Variants in TNRC6A observed in about 807,000 individuals in gnomAD.
TNRC6A encodes trinucleotide repeat-containing gene 6A protein.
Under a neutral mutation model 221.2 loss-of-function variants are expected in TNRC6A, and 44 were observed. The observed-to-expected ratio is 0.20, with a 90% CI of 0.16 to 0.26. TNRC6A has a LOEUF of 0.26. Among genes scored for constraint, TNRC6A ranks in the 10% least tolerant of loss-of-function variants. The pLI is 1.00. For synonymous variants in TNRC6A, 847 were observed against 838.5 expected (o/e 1.01, Z -0.18); for missense variants, 2,199 against 2,404.4 (o/e 0.91, Z 1.79).
chr16:24,694,788 C>T (rs1439139253), intron 2 of TNRC6A, among the ~76,000 whole-genome samples: 1 of 151,814 alleles, frequency 6.6e-6, no homozygotes, highest in African/African-American at 2.4e-5. Context: ...TAAAAATTAG[C>T]TGGGTGTGGT....
intron 9 of TNRC6A, chr16:24,796,150 T>G: frequency 2.1e-6 from 1 of 481,362 alleles, no homozygotes. Flanking sequence ...AGCTTGAATT[T>G]GGAAGATGCT....
At chr16:24,700,974 G>A (rs1157999738) in intron 2 of TNRC6A, among the ~76,000 whole-genome samples, 1 of 152,198 alleles carries the variant, frequency 6.6e-6, no homozygotes, top group Non-Finnish European at 1.5e-5. Flanking sequence ...TGCCCAATGT[G>A]CTCTGGTCAT....
At chr16:24,704,731 G>T (rs909409113) in intron 2 of TNRC6A, among the ~76,000 whole-genome samples, 2 of 150,502 alleles carry the variant, frequency 1.3e-5, no homozygotes, top group African/African-American at 4.9e-5. Context: ...GAGTATAAGG[G>T]GGTATATTAT....
intron 18 of TNRC6A, among the ~76,000 whole-genome samples, chr16:24,814,395 T>A (rs529638580): frequency 3.1e-5 from 4 of 128,386 alleles, no homozygotes; most frequent in African/African-American, 1.3e-4. Flanking sequence ...ATTTTTTTCT[T>A]TTCTTTTTTT....
chr16:24,730,376 G>A, intron 2 of TNRC6A, 76 bp downstream of exon 2: 1 of 1,526,836 alleles, frequency 6.5e-7, no homozygotes, highest in South Asian at 1.2e-5. Flanking sequence ...TTTCTGGGTT[G>A]AGAAGTTCCC....
intron 4 of TNRC6A, among the ~76,000 whole-genome samples, chr16:24,770,104 T>A (rs2057558914): frequency 6.6e-6 from 1 of 152,220 alleles, no homozygotes; most frequent in South Asian, 2.1e-4. Flanking sequence ...GGAAATTAGA[T>A]GTTTTCTAGG....
At chr16:24,812,571 T>C (rs567663763) in intron 18 of TNRC6A, among the ~76,000 whole-genome samples, 2 of 152,310 alleles carry the variant, frequency 1.3e-5, no homozygotes, top group South Asian at 4.1e-4. Context: ...GTACCTTTCC[T>C]GTTTAGCTAT....
At chr16:24,735,101 G>GT (rs1331615166) in intron 2 of TNRC6A, among the ~76,000 whole-genome samples, 1 of 152,198 alleles carries the variant, frequency 6.6e-6, no homozygotes, top group African/African-American at 2.4e-5. Flanking sequence ...GGCCAACATG[G>GT]TGAGACCCCG....
At position 24,686,751 on chromosome 16, in the gene TNRC6A, C is replaced by G. The variant is rs75368917; in HGVS notation, n.402+45742C>G. Among the ~76,000 whole-genome samples the G allele has an allele frequency of 2.7e-3, 418 of 152,268 alleles. 1 individual carries two copies. Among genetic ancestry groups the G allele is most frequent in the African/African-American group, 9.7e-3 (402 of 41,550 alleles). On this transcript the variant is annotated intron_variant and non_coding_transcript_variant, in intron 2 of 2. Coordinates refer to the TNRC6A transcript ENST00000566108. ...ATAGGATCGGTGCCGCGACAGAGGC[C>G]TCTGCAGGGGTGGTATGGCGTCACC...
At chr16:24,718,646 G>A (rs1364571087) in intron 2 of TNRC6A, among the ~76,000 whole-genome samples, 1 of 152,116 alleles carries the variant, frequency 6.6e-6, no homozygotes, top group African/African-American at 2.4e-5. Flanking sequence ...TAATTCTATA[G>A]AATGTAGCCA....
chr16:24,697,175 T>C (rs2055881450), intron 2 of TNRC6A, among the ~76,000 whole-genome samples: 1 of 152,312 alleles, frequency 6.6e-6, no homozygotes, highest in African/African-American at 2.4e-5. Flanking sequence ...CATATTGAAA[T>C]ATCACTGTCT....
At chr16:24,711,083 G>A (rs1055023521) in intron 2 of TNRC6A, among the ~76,000 whole-genome samples, 3 of 152,010 alleles carry the variant, frequency 2.0e-5, no homozygotes, top group African/African-American at 7.2e-5. Context: ...CACCGTGTTA[G>A]CCAGGATGGT....
chr16:24,773,543 C>T (rs373177874), intron 4 of TNRC6A, among the ~76,000 whole-genome samples: 10 of 152,084 alleles, frequency 6.6e-5, no homozygotes, highest in South Asian at 4.1e-4. Flanking sequence ...TGTTTGTGCA[C>T]GCGTGTACAT....
intron 3 of TNRC6A, among the ~76,000 whole-genome samples, chr16:24,753,945 A>T (rs1023584085): frequency 6.6e-6 from 1 of 152,318 alleles, no homozygotes; most frequent in African/African-American, 2.4e-5. Context: ...TCTCTCCTCC[A>T]GCTGGTGCTT....
intron 2 of TNRC6A, among the ~76,000 whole-genome samples, chr16:24,656,653 C>T (rs1449476050): frequency 1.3e-5 from 2 of 151,830 alleles, no homozygotes; most frequent in East Asian, 3.8e-4. Context: ...ACCAGGTTAA[C>T]AAAAAGGGCA....
chr16:24,796,410 ATTGGTGCAGAGGGG>A (rs2058220404), intron 9 of TNRC6A: 1 of 153,432 alleles, frequency 6.5e-6, no homozygotes, highest in Non-Finnish European at 1.5e-5. Context: ...TGAAATATAA[ATTGGTGCAGAGGGG>A]AGACCACAGT....
At chr16:24,809,054 A>G (rs1165235756) in intron 17 of TNRC6A, among the ~76,000 whole-genome samples, 1 of 152,232 alleles carries the variant, frequency 6.6e-6, no homozygotes, top group Non-Finnish European at 1.5e-5. Flanking sequence ...AAGTGACCAC[A>G]GATCTTCATG....
intron 2 of TNRC6A, among the ~76,000 whole-genome samples, chr16:24,660,976 C>T (rs898672741): frequency 5.3e-5 from 8 of 151,896 alleles, no homozygotes; most frequent in African/African-American, 1.7e-4. Context: ...CTCCTGACCT[C>T]GTGATCCACC....
intron 4 of TNRC6A, among the ~76,000 whole-genome samples, chr16:24,771,561 T>TTTATG (rs1555502086): frequency 2.3e-4 from 23 of 99,240 alleles, no homozygotes; most frequent in East Asian, 1.1e-3. Flanking sequence ...TATGTTATGT[T>TTTATG]TTATGTTATG....
Sources: gnomAD v4.1 joint callset for allele counts (sites outside exome capture counted in the v4.1 genomes callset) on GRCh38, gnomAD v4.1.1 for gene constraint, MANE v1.5 for transcripts, NCBI Gene and HGNC (gene_info 2026-07-23, HGNC 2026-07-21) for gene names.